FILIP1: variants seen among roughly 807,000 people sequenced by gnomAD.
The protein encoded by FILIP1 is filamin-A-interacting protein 1.
A neutral mutation model predicts 102.1 loss-of-function variants in FILIP1; 61 were observed. The observed-to-expected ratio is 0.60, with a 90% CI of 0.49 to 0.74. The LOEUF (loss-of-function observed/expected upper bound fraction) is 0.74, where lower values mean the gene tolerates loss of function less well. FILIP1 is among the 30% of genes least tolerant of loss of function. The pLI is 0.00. For missense variants in FILIP1, 1,314 were observed against 1,441.2 expected (o/e 0.91, Z 1.43); for synonymous variants, 491 against 526.9 (o/e 0.93, Z 0.93).
At chr6:75,466,574 T>A (rs1290418371) in intron 1 of FILIP1, among the ~76,000 whole-genome samples, 1 of 152,242 alleles carries the variant, frequency 6.6e-6, no homozygotes, top group East Asian at 1.9e-4. Context: ...TGGACCCATA[T>A]TCTGTCTTCT....
intron 1 of FILIP1, among the ~76,000 whole-genome samples, chr6:75,424,578 AGT>A (rs1237343015): frequency 6.6e-6 from 1 of 152,170 alleles, no homozygotes; most frequent in Non-Finnish European, 1.5e-5. Context: ...GTTTTTTTAA[AGT>A]AACTGAATTT....
chr6:75,308,708 CGA>C lies in FILIP1; in HGVS notation c.3623_3624del (p.Leu1208ArgfsTer37), dbSNP rs1773069117. On this transcript the variant is annotated frameshift_variant, in exon 6 of 6. Coordinates refer to ENST00000237172, the MANE Select transcript of FILIP1 (RefSeq NM_015687.5). LOFTEE classifies it high-confidence loss of function. ...CACTGCCCTCAGCCCTTCCCCCCTC[CGA>C]GAGAGGTGGTGCTGCTGGCTGCAGA... Reference protein sequence around the residue: ...KKSAASSTTSLGGGKG With the variant: ...KKSAASSTTSXGGGKG 1.9e-6 allele frequency: 3 copies of C among 1,613,110 alleles called. No individual in the cohort carries two copies. Among genetic ancestry groups the C allele is most frequent in the Non-Finnish European group, 2.5e-6 (3 of 1,180,000 alleles).
At chr6:75,381,555 C>T (rs1041055434) in intron 2 of FILIP1, among the ~76,000 whole-genome samples, 3 of 152,184 alleles carry the variant, frequency 2.0e-5, no homozygotes, top group South Asian at 2.1e-4. Context: ...GAAAGTGCTA[C>T]GTATTTCAGC....
chr6:75,490,778 T>C (rs372066168), intron 1 of FILIP1, among the ~76,000 whole-genome samples: 2 of 152,194 alleles, frequency 1.3e-5, no homozygotes, highest in East Asian at 3.9e-4. Context: ...TAGTTAAAAG[T>C]GTTTATAATT....
chr6:75,482,420 C>T (rs1455246478), intron 1 of FILIP1, among the ~76,000 whole-genome samples: 1 of 152,148 alleles, frequency 6.6e-6, no homozygotes, highest in Non-Finnish European at 1.5e-5. Context: ...AATCCTAACT[C>T]CAAAATAGAT....
intron 1 of FILIP1, among the ~76,000 whole-genome samples, chr6:75,491,236 TGG>T (rs1023023838): frequency 1.3e-5 from 2 of 152,178 alleles, no homozygotes; most frequent in Admixed American, 6.6e-5. Context: ...GAATAAAAGC[TGG>T]GGCAAAGCTG....
At chr6:75,373,751 ATAATCCCAGCACTG>A (rs1289396425) in intron 2 of FILIP1, among the ~76,000 whole-genome samples, 1 of 152,200 alleles carries the variant, frequency 6.6e-6, no homozygotes, top group African/African-American at 2.4e-5. Flanking sequence ...GCTCAGGCCT[ATAATCCCAGCACTG>A]TAGGAAGCTG....
intron 1 of FILIP1, among the ~76,000 whole-genome samples, chr6:75,423,049 A>G (rs1462058709): frequency 6.6e-6 from 1 of 152,160 alleles, no homozygotes; most frequent in Non-Finnish European, 1.5e-5. Context: ...TAAGTTTTGC[A>G]AAGGAGATAA....
At chr6:75,363,091 G>A in intron 2 of FILIP1, 174 bp from the exon 3 acceptor site, 2 of 535,736 alleles carry the variant, frequency 3.7e-6, no homozygotes, top group Non-Finnish European at 6.5e-6. Context: ...TTGGCAAGCA[G>A]ATACTCTGCT....
At chr6:75,407,801 T>C (rs1284536262) in intron 2 of FILIP1, among the ~76,000 whole-genome samples, 2 of 152,196 alleles carry the variant, frequency 1.3e-5, no homozygotes, top group Non-Finnish European at 2.9e-5. Flanking sequence ...TTTGCTAAAA[T>C]GTAGCCAAGT....
At chr6:75,408,680 T>A (rs1413311649) in intron 2 of FILIP1, among the ~76,000 whole-genome samples, 3 of 152,222 alleles carry the variant, frequency 2.0e-5, no homozygotes. Flanking sequence ...AAAATTGGCA[T>A]GACAAGCCTG....
rs9294000 is a variant in FILIP1, at chr6:75,425,368, A to G, written c.-6-10390T>C. Among the ~76,000 whole-genome samples, 287 of 152,332 alleles carry G rather than the reference A, an allele frequency of 1.9e-3. 1 individual carries two copies. The highest frequency in any genetic ancestry group is 6.6e-3 in the African/African-American group (274 of 41,584). Reference sequence around the variant, plus strand: ...AGAAATTTCTTTTATCTAAAATGTCATGCCACAATGCAGAAGTTTCAGATT... The same window carrying G: ...AGAAATTTCTTTTATCTAAAATGTCGTGCCACAATGCAGAAGTTTCAGATT... On this transcript the variant is annotated intron_variant, in intron 1 of 5. Coordinates refer to ENST00000237172, the MANE Select transcript of FILIP1 (RefSeq NM_015687.5).
intron 4 of FILIP1, among the ~76,000 whole-genome samples, chr6:75,344,369 T>C (rs774908011): frequency 8.5e-5 from 13 of 152,206 alleles, no homozygotes; most frequent in Non-Finnish European, 1.8e-4. Context: ...GGCCAGGAGA[T>C]GGCTTTGTTC....
chr6:75,344,765 A>T lies in FILIP1; in HGVS notation c.629+8774T>A, dbSNP rs1774522159. On this transcript the variant is annotated intron_variant, in intron 4 of 5. Coordinates refer to ENST00000237172, the MANE Select transcript of FILIP1 (RefSeq NM_015687.5). Reference sequence around the variant, plus strand: ...AGCTGCCTCCATTTCTCTCAGTATGAGGCCTTTTCAGCAAATCAGGAACTT... The same window carrying T: ...AGCTGCCTCCATTTCTCTCAGTATGTGGCCTTTTCAGCAAATCAGGAACTT... Among the ~76,000 whole-genome samples the T allele has an allele frequency of 2.0e-5, 3 of 152,208 alleles. No homozygotes were observed. The South Asian group carries it at 6.2e-4, about 32-fold the overall frequency.
At chr6:75,384,591 G>T (rs1339318578) in intron 2 of FILIP1, among the ~76,000 whole-genome samples, 2 of 152,038 alleles carry the variant, frequency 1.3e-5, no homozygotes, top group Non-Finnish European at 2.9e-5. Flanking sequence ...ATTTCGGAAG[G>T]TTACTCCTAT....
intron 3 of FILIP1, 56 bp downstream of exon 3, chr6:75,362,688 T>A: frequency 6.5e-7 from 1 of 1,544,530 alleles, no homozygotes; most frequent in Non-Finnish European, 8.8e-7. Flanking sequence ...TGGAAGAATG[T>A]GAAGATATCT....
intron 2 of FILIP1, among the ~76,000 whole-genome samples, chr6:75,367,003 C>T (rs1299889359): frequency 6.6e-6 from 1 of 152,148 alleles, no homozygotes; most frequent in East Asian, 1.9e-4. Flanking sequence ...AAGCAGGTAT[C>T]TATTTCAGTT....
intron 3 of FILIP1, among the ~76,000 whole-genome samples, chr6:75,354,219 C>A (rs570395707): frequency 6.6e-6 from 1 of 152,310 alleles, no homozygotes; most frequent in South Asian, 2.1e-4. Flanking sequence ...CCCATTTACG[C>A]TCCTACAACC....
At chr6:75,365,935 T>C (rs1020117653) in intron 2 of FILIP1, 37 of 152,346 alleles carry the variant, frequency 2.4e-4, no homozygotes, top group African/African-American at 8.4e-4. Context: ...GACAGTCCTA[T>C]GCACAGTATC....
Sources: gnomAD v4.1 joint callset for allele counts (sites outside exome capture counted in the v4.1 genomes callset) on GRCh38, gnomAD v4.1.1 for gene constraint, MANE v1.5 for transcripts, NCBI Gene and HGNC (gene_info 2026-07-23, HGNC 2026-07-21) for gene names.